ST6GALNAC5: variants seen among roughly 807,000 people sequenced by gnomAD.
The protein encoded by ST6GALNAC5 is alpha-N-acetylgalactosaminide alpha-2,6-sialyltransferase 5.
Under a neutral mutation model 33.6 loss-of-function variants are expected in ST6GALNAC5, and 27 were observed. The observed-to-expected ratio is 0.80, with a 90% CI of 0.59 to 1.11. ST6GALNAC5 has a LOEUF of 1.11. Among genes scored for constraint, ST6GALNAC5 ranks in the 50% least tolerant of loss-of-function variants. The pLI, the probability that ST6GALNAC5 is intolerant of heterozygous loss-of-function variation, is 0.00. For synonymous variants in ST6GALNAC5, 194 were observed against 171.2 expected, an observed-to-expected ratio of 1.13 and a Z score of -1.04; for missense variants, 428 against 454.0, an observed-to-expected ratio of 0.94 and a Z score of 0.52.
chr1:76,935,164 A>C (rs1411761565), intron 2 of ST6GALNAC5, among the ~76,000 whole-genome samples: 1 of 152,114 alleles, frequency 6.6e-6, no homozygotes, highest in Non-Finnish European at 1.5e-5. Flanking sequence ...TTTTGAAGAC[A>C]CTAACAGCAT....
At chr1:77,052,917 CAAAAAAAAAAAA>C in intron 4 of ST6GALNAC5, among the ~76,000 whole-genome samples, 1 of 69,970 alleles carries the variant, frequency 1.4e-5, no homozygotes, top group South Asian at 5.7e-4. Flanking sequence ...GGCTCTGTCT[CAAAAAAAAAAAA>C]AAAAAAAAAA....
chr1:76,901,219 G>C (rs1314920078), intron 2 of ST6GALNAC5, among the ~76,000 whole-genome samples: 1 of 152,196 alleles, frequency 6.6e-6, no homozygotes, highest in African/African-American at 2.4e-5. Flanking sequence ...GGATTCATAG[G>C]ATACATTGTG....
intron 2 of ST6GALNAC5, among the ~76,000 whole-genome samples, chr1:76,873,854 G>A (rs1653565741): frequency 6.6e-6 from 1 of 152,138 alleles, no homozygotes; most frequent in African/African-American, 2.4e-5. Flanking sequence ...ACTAATCATA[G>A]CCCTTGGTAA....
At chr1:76,917,011 C>T (rs1436197875) in intron 2 of ST6GALNAC5, among the ~76,000 whole-genome samples, 1 of 152,100 alleles carries the variant, frequency 6.6e-6, no homozygotes, top group Non-Finnish European at 1.5e-5. Context: ...TGCTATACTT[C>T]TCCAGAATTC....
chr1:76,967,926 G>A lies in ST6GALNAC5; in HGVS notation c.262-76278G>A, dbSNP rs913568626. ...TTTCTTAATCCTGAGTTCTAATTTG[G>A]TTGCAGTGTGGTCTGAGAGACAGTT... On this transcript the variant is annotated intron_variant, in intron 2 of 4. Coordinates refer to ENST00000477717, the MANE Select transcript of ST6GALNAC5 (RefSeq NM_030965.3). Among the ~76,000 whole-genome samples, 8 of 152,122 alleles carry A rather than the reference G, an allele frequency of 5.3e-5. No homozygotes were observed. The South Asian group carries it at 6.2e-4, about 12-fold the overall frequency.
intron 2 of ST6GALNAC5, among the ~76,000 whole-genome samples, chr1:76,907,635 G>A (rs1443533272): frequency 6.6e-6 from 1 of 152,068 alleles, no homozygotes; most frequent in Non-Finnish European, 1.5e-5. Context: ...ACTCTTTGCC[G>A]TGAGTTTAAA....
intron 2 of ST6GALNAC5, among the ~76,000 whole-genome samples, chr1:76,968,164 C>T (rs1398522298): frequency 1.3e-5 from 2 of 152,118 alleles, no homozygotes; most frequent in Admixed American, 1.3e-4. Context: ...GTTGATCTGT[C>T]TAATATTGAT....
intron 2 of ST6GALNAC5, among the ~76,000 whole-genome samples, chr1:76,995,096 T>C (rs916070123): frequency 1.3e-5 from 2 of 152,146 alleles, no homozygotes; most frequent in Non-Finnish European, 2.9e-5. Flanking sequence ...GTTTACATTA[T>C]ATAAAATTTA....
chr1:76,908,738 AC>A (rs1168832710), intron 2 of ST6GALNAC5, among the ~76,000 whole-genome samples: 3 of 152,078 alleles, frequency 2.0e-5, no homozygotes, highest in Non-Finnish European at 4.4e-5. Context: ...AAGCTCTGTA[AC>A]CGCAGGGTTC....
chr1:76,882,877 A>G (rs1653813835), intron 2 of ST6GALNAC5, among the ~76,000 whole-genome samples: 1 of 151,444 alleles, frequency 6.6e-6, no homozygotes, highest in Admixed American at 6.6e-5. Flanking sequence ...CTCCAACCCT[A>G]CCCCCACCAC....
At chr1:77,031,948 T>C (rs1651474119) in intron 2 of ST6GALNAC5, among the ~76,000 whole-genome samples, 9 of 152,194 alleles carry the variant, frequency 5.9e-5, no homozygotes. Flanking sequence ...GGTGCTTCAG[T>C]AGTCTTGGAG....
intron 2 of ST6GALNAC5, among the ~76,000 whole-genome samples, chr1:76,885,336 G>C (rs74092207): frequency 2.0e-5 from 3 of 150,822 alleles, no homozygotes; most frequent in Admixed American, 6.6e-5. Context: ...TTGTCTTCTC[G>C]AAATGACAAA....
intron 2 of ST6GALNAC5, among the ~76,000 whole-genome samples, chr1:76,974,090 TTTCTA>T (rs1648891288): frequency 6.6e-6 from 1 of 152,152 alleles, no homozygotes; most frequent in South Asian, 2.1e-4. Context: ...CATACTGGTG[TTTCTA>T]TTAGATTCAA....
At chr1:77,046,553 C>T (rs1406469230) in intron 3 of ST6GALNAC5, among the ~76,000 whole-genome samples, 1 of 152,178 alleles carries the variant, frequency 6.6e-6, no homozygotes, top group Admixed American at 6.5e-5. Context: ...GCCCAGCCAG[C>T]AGATCACATT....
chr1:77,009,856 C>CT (rs1013454620), intron 2 of ST6GALNAC5, among the ~76,000 whole-genome samples: 32 of 152,204 alleles, frequency 2.1e-4, no homozygotes, highest in Non-Finnish European at 4.3e-4. Flanking sequence ...TACTAAAATA[C>CT]TTTTTTTTAA....
At chr1:76,894,891 G>T (rs1458949011) in intron 2 of ST6GALNAC5, among the ~76,000 whole-genome samples, 1 of 152,146 alleles carries the variant, frequency 6.6e-6, no homozygotes, top group Non-Finnish European at 1.5e-5. Context: ...GGGTGCAGGT[G>T]GGCTGAGTCC....
chr1:76,918,318 G>A (rs941785970), intron 2 of ST6GALNAC5, among the ~76,000 whole-genome samples: 8 of 152,052 alleles, frequency 5.3e-5, no homozygotes, highest in African/African-American at 1.2e-4. Context: ...GGAAGAGAAA[G>A]TCAAAAGAAT....
chr1:76,886,216 ATTTC>A (rs1653891449), intron 2 of ST6GALNAC5, among the ~76,000 whole-genome samples: 1 of 151,950 alleles, frequency 6.6e-6, no homozygotes, highest in South Asian at 2.1e-4. Flanking sequence ...ACCTCTTCTG[ATTTC>A]TTTTTCATCT....
At chr1:76,905,031 G>A (rs551401058) in intron 2 of ST6GALNAC5, among the ~76,000 whole-genome samples, 137 of 152,258 alleles carry the variant, frequency 9.0e-4, no homozygotes, top group African/African-American at 3.2e-3. Context: ...CTGTTTATAT[G>A]AGGTGTTCAC....
Sources: gnomAD v4.1 joint callset for allele counts (sites outside exome capture counted in the v4.1 genomes callset) on GRCh38, gnomAD v4.1.1 for gene constraint, MANE v1.5 for transcripts, NCBI Gene and HGNC (gene_info 2026-07-23, HGNC 2026-07-21) for gene names.